FER1L6: variants seen among roughly 807,000 people sequenced by gnomAD.
FER1L6 encodes the protein fer-1-like protein 6.
In FER1L6, 177 loss-of-function variants were observed where a neutral mutation model predicts 219.2. The ratio of observed to expected loss-of-function variants is 0.81; its 90% CI spans 0.71 to 0.91. FER1L6 has a LOEUF of 0.91. Among genes scored for constraint, FER1L6 ranks in the 40% least tolerant of loss-of-function variants. The pLI is 0.00. For synonymous variants in FER1L6, 768 were observed against 824.3 expected (o/e 0.93, Z 1.17); for missense variants, 2,153 against 2,259.9 (o/e 0.95, Z 0.96).
chr8:124,008,402 A>C (rs1817765044), intron 13 of FER1L6, among the ~76,000 whole-genome samples: 1 of 152,246 alleles, frequency 6.6e-6, no homozygotes, highest in Admixed American at 6.5e-5. Context: ...TTGTGTTGCT[A>C]TAAACATGCG....
At chr8:123,931,915 T>TA (rs546670958) in intron 1 of FER1L6, among the ~76,000 whole-genome samples, 5 of 152,178 alleles carry the variant, frequency 3.3e-5, no homozygotes, top group Admixed American at 6.5e-5. Context: ...ACAGTTATTT[T>TA]AAAAAATATC....
rs2130760205 is a variant in FER1L6 at position 124,045,898 on chromosome 8, T to C, written c.2721T>C (p.Ala907=). ...LVVVELYDSD[A]VGKPEYLGAT... ...TGGTGGAGCTGTATGACAGCGACGCTGTGGTGAGTGTCCCCCTGGGCCAGT... is the reference window on the plus strand; with the variant it reads ...TGGTGGAGCTGTATGACAGCGACGCCGTGGTGAGTGTCCCCCTGGGCCAGT... Residue 907 remains alanine (A), a synonymous_variant, in exon 21 of 41, where the codon GCT becomes GCC. Transcript: ENST00000522917. The C allele has an allele frequency of 1.2e-6, 2 of 1,613,832 alleles. No homozygotes were observed. The highest frequency in any genetic ancestry group is 2.7e-5 in the African/African-American group (2 of 75,048).
chr8:124,025,443 T>C (rs1818664266), intron 18 of FER1L6, among the ~76,000 whole-genome samples: 1 of 152,200 alleles, frequency 6.6e-6, no homozygotes. Flanking sequence ...GCATCCTTTC[T>C]CCAATTTGTG....
chr8:123,951,430 CA>C (rs1814761702), intron 1 of FER1L6, among the ~76,000 whole-genome samples: 1 of 152,204 alleles, frequency 6.6e-6, no homozygotes, highest in African/African-American at 2.4e-5. Flanking sequence ...AGAGTAGTCA[CA>C]TGGGTCTATA....
At chr8:124,037,961 ACCT>A (rs1819293198) in intron 19 of FER1L6, among the ~76,000 whole-genome samples, 1 of 151,726 alleles carries the variant, frequency 6.6e-6, no homozygotes, top group South Asian at 2.1e-4. Context: ...TCTCCCTGAC[ACCT>A]CTTCTGTCCA....
chr8:124,094,816 G>A (rs1563796937), intron 34 of FER1L6, 80 bp from the exon 35 acceptor site: 1 of 1,477,124 alleles, frequency 6.8e-7, no homozygotes, highest in East Asian at 2.3e-5. Context: ...GCCTGTAAGT[G>A]TTTAAAAATG....
chr8:124,055,481 G>A (rs1256815192), intron 22 of FER1L6, among the ~76,000 whole-genome samples: 2 of 152,164 alleles, frequency 1.3e-5, no homozygotes, highest in African/African-American at 2.4e-5. Flanking sequence ...CCCTCAGAGC[G>A]ATGTCCCCTT....
intron 1 of FER1L6, among the ~76,000 whole-genome samples, chr8:123,872,517 T>C (rs750003858): frequency 2.6e-5 from 4 of 152,288 alleles, no homozygotes; most frequent in Non-Finnish European, 5.9e-5. Context: ...TAATACATTA[T>C]GAAAAACTAA....
intron 5 of FER1L6, among the ~76,000 whole-genome samples, chr8:123,967,626 A>G (rs1308777525): frequency 6.6e-6 from 1 of 152,214 alleles, no homozygotes; most frequent in Non-Finnish European, 1.5e-5. Context: ...GCTCTTTGAC[A>G]CAATGAATTA....
intron 37 of FER1L6, among the ~76,000 whole-genome samples, chr8:124,098,996 C>T (rs1822430776): frequency 6.6e-6 from 1 of 152,238 alleles, no homozygotes; most frequent in Admixed American, 6.5e-5. Flanking sequence ...CTAAGCATCT[C>T]TTCTTTTTGA....
At position 124,081,435 on chromosome 8, in the gene FER1L6, T is replaced by C. The variant is rs544765056; in HGVS notation, c.4221-853T>C. Among the ~76,000 whole-genome samples the C allele has an allele frequency of 2.0e-5, 3 of 152,208 alleles. No individual in the cohort carries two copies. The South Asian group carries it at 6.2e-4, about 32-fold the overall frequency. ...TAGGAACCTGGCACTTATCTCAGAT[T>C]GGCCTGATTGATGATCTTGGGCAAG... On this transcript the variant is annotated intron_variant, in intron 32 of 40. Transcript: ENST00000522917.
intron 39 of FER1L6, among the ~76,000 whole-genome samples, chr8:124,110,158 G>A (rs1396457334): frequency 2.0e-5 from 3 of 152,098 alleles, no homozygotes; most frequent in African/African-American, 7.2e-5. Flanking sequence ...CTAAGTGATG[G>A]TAGCTCTAAA....
intron 1 of FER1L6, among the ~76,000 whole-genome samples, chr8:123,926,941 C>T (rs1319327095): frequency 6.6e-6 from 1 of 152,114 alleles, no homozygotes; most frequent in Non-Finnish European, 1.5e-5. Context: ...ACATATTGGA[C>T]TCCAAAGATT....
At chr8:124,013,783 A>G in intron 15 of FER1L6, 2 of 259,432 alleles carry the variant, frequency 7.7e-6, no homozygotes, top group Non-Finnish European at 1.5e-5. Context: ...TCTGTAGGAA[A>G]CAAGAAAAAT....
chr8:124,046,508 C>T (rs1443598350), intron 21 of FER1L6: 1 of 152,150 alleles, frequency 6.6e-6, no homozygotes, highest in African/African-American at 2.4e-5. Context: ...TTAACTTACA[C>T]AAATATTCTT....
rs1586555464 is a variant in FER1L6, at chr8:123,986,132, A to C, written c.1475A>C (p.Asp492Ala). 1 of 1,613,724 alleles carries C rather than the reference A, an allele frequency of 6.2e-7. No homozygotes were observed. Among genetic ancestry groups the C allele is most frequent in the South Asian group, 1.1e-5 (1 of 91,054 alleles). The change falls in exon 12 of 41, where the codon GAC (aspartate) becomes GCC (alanine). Residue 492 changes from aspartate to alanine, a missense_variant. Coordinates refer to ENST00000522917, the MANE Select transcript of FER1L6 (RefSeq NM_001039112.2). ...GCATTTTTTGAAGCTACCATGATTG[A>C]CCGGAAGATTGGAGATAAACCCATC... ...FGAFFEATMI[D>A]RKIGDKPISF... is the part of the protein sequence containing the mutation.
At chr8:124,035,654 C>T (rs1413605181) in intron 19 of FER1L6, among the ~76,000 whole-genome samples, 200 bp downstream of exon 19, 1 of 152,234 alleles carries the variant, frequency 6.6e-6, no homozygotes, top group Non-Finnish European at 1.5e-5. Flanking sequence ...TCATTAAACA[C>T]ATCTGGAATA....
At chr8:124,023,916 A>C (rs1190101734) in intron 18 of FER1L6, among the ~76,000 whole-genome samples, 1 of 108,064 alleles carries the variant, frequency 9.3e-6, no homozygotes, top group African/African-American at 4.4e-5. Context: ...TTTTTTTTTG[A>C]GACAGTGTCT....
At chr8:124,096,001 C>G (rs1006034610) in intron 35 of FER1L6, among the ~76,000 whole-genome samples, 1 of 152,230 alleles carries the variant, frequency 6.6e-6, no homozygotes, top group African/African-American at 2.4e-5. Flanking sequence ...GCTCTGGACT[C>G]ACTCACTGTG....
Sources: allele counts gnomAD v4.1 joint callset (sites outside exome capture counted in the v4.1 genomes callset), GRCh38; gene constraint gnomAD v4.1.1; transcripts MANE v1.5; gene names NCBI Gene and HGNC (gene_info 2026-07-23, HGNC 2026-07-21).